Variants in TLN2 observed in about 807,000 individuals in gnomAD.
The protein encoded by TLN2 is talin 2.
Under a neutral mutation model 294.7 loss-of-function variants are expected in TLN2, and 118 were observed. The ratio of observed to expected loss-of-function variants is 0.40; its 90% confidence interval spans 0.34 to 0.47. The LOEUF (loss-of-function observed/expected upper bound fraction) is 0.47, where lower values mean the gene tolerates loss of function less well. Among genes scored for constraint, TLN2 ranks in the 20% least tolerant of loss-of-function variants. TLN2 has a pLI of 0.84. For synonymous variants in TLN2, 1,431 were observed against 1,304.5 expected (o/e 1.10, Z -2.09); for missense variants, 3,083 against 3,282.2 (o/e 0.94, Z 1.48).
At chr15:62,644,799 T>C in intron 3 of TLN2, 1 of 344,574 alleles carries the variant, frequency 2.9e-6, no homozygotes, top group Non-Finnish European at 5.7e-6. Flanking sequence ...CGGGTCCATG[T>C]CATGGCTCTC....
chr15:62,672,082 C>T (rs532999772), intron 9 of TLN2, among the ~76,000 whole-genome samples: 5 of 152,140 alleles, frequency 3.3e-5, no homozygotes, highest in African/African-American at 7.2e-5. Flanking sequence ...AAAAAGTTCC[C>T]GATCAAGTTG....
At chr15:62,714,189 G>GTTTTTTT (rs5813163) in intron 22 of TLN2, among the ~76,000 whole-genome samples, 1 of 96,392 alleles carries the variant, frequency 1.0e-5, no homozygotes, top group African/African-American at 3.8e-5. Flanking sequence ...CAATGTGCAC[G>GTTTTTTT]TTTTTTTTTT....
chr15:62,671,062 T>G (rs946871736), intron 9 of TLN2, among the ~76,000 whole-genome samples: 1 of 152,254 alleles, frequency 6.6e-6, no homozygotes, highest in Admixed American at 6.5e-5. Flanking sequence ...TTCATGTGCC[T>G]ATTGGCCATT....
chr15:62,688,402 A>G (rs1365160015), intron 12 of TLN2, among the ~76,000 whole-genome samples: 4 of 152,090 alleles, frequency 2.6e-5, no homozygotes, highest in Admixed American at 1.3e-4. Flanking sequence ...TGAAATTTTA[A>G]GGTTTGTTTT....
chr15:62,575,241 G>A (rs1308979417), intron 1 of TLN2, among the ~76,000 whole-genome samples: 1 of 152,164 alleles, frequency 6.6e-6, no homozygotes, highest in African/African-American at 2.4e-5. Context: ...GATCGCTTGA[G>A]CCTTGGAGGT....
intron 1 of TLN2, among the ~76,000 whole-genome samples, chr15:62,411,151 G>C (rs193298924): frequency 1.3e-5 from 2 of 152,058 alleles, no homozygotes; most frequent in African/African-American, 2.4e-5. Context: ...TGTGTGGACC[G>C]AGGCATTAAA....
chr15:62,621,745 C>T (rs77018296), intron 3 of TLN2, among the ~76,000 whole-genome samples: 5 of 152,132 alleles, frequency 3.3e-5, no homozygotes, highest in Admixed American at 3.3e-4. Context: ...TCCCTTATGG[C>T]GGGATTGGCC....
At chr15:62,688,785 A>T (rs561986630) in intron 12 of TLN2, among the ~76,000 whole-genome samples, 39 of 152,176 alleles carry the variant, frequency 2.6e-4, no homozygotes, top group African/African-American at 8.9e-4. Context: ...TTTTTCTCTG[A>T]AGTCTACTGT....
intron 57 of TLN2, among the ~76,000 whole-genome samples, chr15:62,837,231 C>CT (rs904893685): frequency 6.6e-6 from 1 of 152,142 alleles, no homozygotes; most frequent in Non-Finnish European, 1.5e-5. Flanking sequence ...CCTCCCTCAC[C>CT]TTTATTTGAT....
Position 62,762,380 on chromosome 15 carries a change from C to G in TLN2, c.4888C>G (p.Pro1630Ala). 1 of 1,614,210 alleles carries G rather than the reference C, an allele frequency of 6.2e-7. No individual in the cohort carries two copies. The highest frequency in any genetic ancestry group is 8.5e-7 in the Non-Finnish European group (1 of 1,180,036). Reference sequence around the variant, plus strand: ...TCTGGCCATCAACCCCAAAGACCCACCCACCTGGTCTGTACTGGCTGGACA... The same window carrying G: ...TCTGGCCATCAACCCCAAAGACCCAGCCACCTGGTCTGTACTGGCTGGACA... ...RSLAINPKDP[P>A]TWSVLAGHSH... Residue 1630 changes from proline (P) to alanine (A), a missense_variant, in exon 39 of 59, where the codon CCC becomes GCC. By Grantham distance (27) the Pro-to-Ala change is conservative. Coordinates refer to ENST00000636159, the MANE Select transcript of TLN2 (RefSeq NM_015059.3).
At chr15:62,626,691 A>T (rs2049313657) in intron 3 of TLN2, among the ~76,000 whole-genome samples, 1 of 152,196 alleles carries the variant, frequency 6.6e-6, no homozygotes, top group East Asian at 1.9e-4. Context: ...TTCACAAAGG[A>T]GGAACGTGAG....
chr15:62,656,190 A>G (rs2053188594), intron 8 of TLN2, 104 bp downstream of exon 8: 1 of 1,448,502 alleles, frequency 6.9e-7, no homozygotes, highest in Non-Finnish European at 9.4e-7. Flanking sequence ...TGCCACATTT[A>G]TGGCGTCGTT....
Position 62,708,300 on chromosome 15 carries a change from G to A in TLN2, c.2173-202G>A, listed in dbSNP as rs544233448. ...GTGGGACATGTCAAATCACAAGGATGAAGTAGAATAGCAGAGCGTGTGAGA... is the reference window on the plus strand; with the variant it reads ...GTGGGACATGTCAAATCACAAGGATAAAGTAGAATAGCAGAGCGTGTGAGA... On this transcript the variant is annotated intron_variant, in intron 20 of 58. Transcript: ENST00000636159. Among the ~76,000 whole-genome samples the A allele has an allele frequency of 2.0e-5, 3 of 152,306 alleles. No individual in the cohort carries two copies. The East Asian group carries it at 5.8e-4, about 29-fold the overall frequency.
chr15:62,760,433 C>G (rs930364718), intron 37 of TLN2, among the ~76,000 whole-genome samples: 38 of 151,938 alleles, frequency 2.5e-4, no homozygotes, highest in African/African-American at 9.2e-4. Flanking sequence ...GCCAGTGCCC[C>G]TGTTTTTTTT....
chr15:62,534,297 C>T (rs550532633), intron 1 of TLN2, among the ~76,000 whole-genome samples: 1 of 152,330 alleles, frequency 6.6e-6, no homozygotes, highest in South Asian at 2.1e-4. Flanking sequence ...CAAGACTACT[C>T]TCCACTTGAG....
rs909584287 is a variant in TLN2 at position 62,415,363 on chromosome 15, C to T, written c.-238+24678C>T. On this transcript the variant is annotated intron_variant, in intron 1 of 58. Coordinates refer to ENST00000636159, the MANE Select transcript of TLN2 (RefSeq NM_015059.3). ...CTGAGACATGGATATGGATGTTTTT[C>T]ACCTGTGTTCAGCTGGCTGCATGAT... Among the ~76,000 whole-genome samples the T allele has an allele frequency of 2.1e-5, 3 of 141,966 alleles. 1 individual carries two copies. Among genetic ancestry groups the T allele is most frequent in the Non-Finnish European group, 4.5e-5 (3 of 66,124 alleles). The allele number at this position is 141,966 out of a possible 152,430, so 93.1% of individuals were successfully genotyped here. A position where few individuals can be genotyped will look rare whatever the true frequency, so the allele number is the denominator to read the frequency against.
At chr15:62,755,752 G>C in intron 37 of TLN2, 59 bp downstream of exon 37, 1 of 1,592,438 alleles carries the variant, frequency 6.3e-7, no homozygotes, top group South Asian at 1.1e-5. Flanking sequence ...GGCGGGGGAA[G>C]GGGAACAAGA....
At chr15:62,742,775 C>T (rs1002191938) in intron 32 of TLN2, among the ~76,000 whole-genome samples, 2 of 152,110 alleles carry the variant, frequency 1.3e-5, no homozygotes, top group African/African-American at 4.8e-5. Flanking sequence ...TGCGAGAAAA[C>T]GCTGGCACAT....
At chr15:62,745,603 T>A (rs577290512) in intron 32 of TLN2, among the ~76,000 whole-genome samples, 1 of 152,334 alleles carries the variant, frequency 6.6e-6, no homozygotes, top group South Asian at 2.1e-4. Flanking sequence ...TTTTCCTTAA[T>A]CACGTAACAC....
Sources: allele counts gnomAD v4.1 joint callset (sites outside exome capture counted in the v4.1 genomes callset), GRCh38; gene constraint gnomAD v4.1.1; transcripts MANE v1.5; gene names NCBI Gene and HGNC (gene_info 2026-07-23, HGNC 2026-07-21).